The following NTNG1 variants were observed in gnomAD, a reference collection of about 807,000 sequenced individuals.
NTNG1 encodes the protein netrin-G1.
A neutral mutation model predicts 54.0 loss-of-function variants in NTNG1; 16 were observed. The observed-to-expected ratio is 0.30, with a 90% CI of 0.20 to 0.45. NTNG1 has a LOEUF of 0.45. Ranked by LOEUF, NTNG1 falls within the 20% of genes least tolerant of loss-of-function variation. The pLI is 1.00. For synonymous variants in NTNG1, 255 were observed against 263.1 expected, an observed-to-expected ratio of 0.97 and a Z score of 0.30; for missense variants, 530 against 678.7, an observed-to-expected ratio of 0.78 and a Z score of 2.43.
At chr1:107,414,852 G>A (rs188046359) in intron 5 of NTNG1, among the ~76,000 whole-genome samples, 67 of 152,212 alleles carry the variant, frequency 4.4e-4, no homozygotes, top group Non-Finnish European at 8.1e-4. Context: ...AGCAGTTAAG[G>A]AATTGTTCAA....
intron 3 of NTNG1, among the ~76,000 whole-genome samples, chr1:107,365,201 A>G (rs115638777): frequency 1.1e-3 from 173 of 152,312 alleles, no homozygotes; most frequent in African/African-American, 3.8e-3. Flanking sequence ...GTTTTGGACT[A>G]TGGAGCAGAT....
At position 107,436,655 on chromosome 1, in the gene NTNG1, G is replaced by C. The variant is rs368118701; in HGVS notation, c.1256-10G>C. The C allele has an allele frequency of 6.2e-7, 1 of 1,611,698 alleles. No homozygotes were observed. The highest frequency in any genetic ancestry group is 1.3e-5 in the African/African-American group (1 of 74,886). ...TTGTCTCCAGCCTGTGTGTTGTCTT[G>C]TTTCTACAGAGTGTTATTGTAACCC... is the stretch of plus-strand genomic sequence containing the variant. On this transcript the variant is annotated splice_polypyrimidine_tract_variant and intron_variant, in intron 6 of 7. Coordinates refer to ENST00000370068, the MANE Select transcript of NTNG1 (RefSeq NM_001113226.3).
At chr1:107,344,350 T>C (rs1669094722) in intron 3 of NTNG1, among the ~76,000 whole-genome samples, 1 of 152,116 alleles carries the variant, frequency 6.6e-6, no homozygotes, top group Non-Finnish European at 1.5e-5. Flanking sequence ...TTTTTGTTTG[T>C]TGTTTTGTTT....
At chr1:107,451,108 C>CTTTTT (rs55906603) in intron 7 of NTNG1, among the ~76,000 whole-genome samples, 4 of 138,378 alleles carry the variant, frequency 2.9e-5, no homozygotes, top group Non-Finnish European at 4.6e-5. Context: ...TTCTTTCTTT[C>CTTTTT]TTTTTTTTTT....
chr1:107,167,304 A>T (rs922914013), intron 2 of NTNG1, among the ~76,000 whole-genome samples: 6 of 151,886 alleles, frequency 4.0e-5, no homozygotes, highest in Non-Finnish European at 7.4e-5. Flanking sequence ...AGAAGAATCT[A>T]TCTGTAATGA....
chr1:107,457,419 A>G (rs570404812), intron 7 of NTNG1, among the ~76,000 whole-genome samples: 1 of 152,308 alleles, frequency 6.6e-6, no homozygotes, highest in East Asian at 1.9e-4. Context: ...AGTGCTATAG[A>G]TATACAGATA....
At chr1:107,342,074 A>C (rs781301475) in intron 3 of NTNG1, among the ~76,000 whole-genome samples, 2 of 152,130 alleles carry the variant, frequency 1.3e-5, no homozygotes, top group Admixed American at 1.3e-4. Context: ...ATTAGTCACT[A>C]TAAGTCACTT....
chr1:107,287,904 T>G (rs1665301249), intron 2 of NTNG1, among the ~76,000 whole-genome samples: 1 of 152,180 alleles, frequency 6.6e-6, no homozygotes, highest in South Asian at 2.1e-4. Context: ...GATTGCATAC[T>G]GTCTGGCACT....
At chr1:107,431,630 C>G (rs1449191821) in intron 6 of NTNG1, among the ~76,000 whole-genome samples, 4 of 152,128 alleles carry the variant, frequency 2.6e-5, no homozygotes, top group Non-Finnish European at 5.9e-5. Flanking sequence ...GACCAGGCAC[C>G]TTTCCCACCC....
intron 2 of NTNG1, 149 bp from the exon 3 acceptor site, chr1:107,324,133 A>G (rs1218139503): frequency 1.1e-5 from 8 of 698,244 alleles, no homozygotes; most frequent in Non-Finnish European, 2.0e-5. Context: ...AAGCTATTAA[A>G]GAGGAGAATC....
At chr1:107,170,401 CT>C (rs1437720145) in intron 2 of NTNG1, among the ~76,000 whole-genome samples, 1 of 151,874 alleles carries the variant, frequency 6.6e-6, no homozygotes, top group Non-Finnish European at 1.5e-5. Flanking sequence ...TTTTATTTAT[CT>C]TTATGATCAT....
intron 2 of NTNG1, among the ~76,000 whole-genome samples, chr1:107,292,243 C>T (rs1044048192): frequency 2.0e-5 from 3 of 151,946 alleles, no homozygotes; most frequent in South Asian, 4.2e-4. Context: ...TGTGGGTCTG[C>T]GGCAACCTCA....
At chr1:107,213,328 G>T (rs886495673) in intron 2 of NTNG1, among the ~76,000 whole-genome samples, 1 of 152,028 alleles carries the variant, frequency 6.6e-6, no homozygotes, top group African/African-American at 2.4e-5. Context: ...ACAAGAAATC[G>T]TGTTAAAGGA....
chr1:107,473,483 A>G (rs1485174385), intron 7 of NTNG1, among the ~76,000 whole-genome samples: 2 of 152,224 alleles, frequency 1.3e-5, no homozygotes, highest in East Asian at 1.9e-4. Flanking sequence ...CATACCTTCC[A>G]GAAAGAACTC....
At chr1:107,271,033 A>G (rs1335742882) in intron 2 of NTNG1, among the ~76,000 whole-genome samples, 1 of 152,132 alleles carries the variant, frequency 6.6e-6, no homozygotes, top group African/African-American at 2.4e-5. Flanking sequence ...AAAAGGATTT[A>G]AAAAGCAGAT....
intron 7 of NTNG1, among the ~76,000 whole-genome samples, chr1:107,459,070 A>T (rs1677122324): frequency 6.6e-6 from 1 of 152,116 alleles, no homozygotes; most frequent in Non-Finnish European, 1.5e-5. Context: ...CCACTGAAAA[A>T]TGGCATTACT....
At chr1:107,243,063 G>A (rs537601817) in intron 2 of NTNG1, among the ~76,000 whole-genome samples, 7 of 152,278 alleles carry the variant, frequency 4.6e-5, no homozygotes, top group Admixed American at 4.6e-4. Context: ...GGGGTTTGTT[G>A]AAAATCCTCG....
At chr1:107,430,281 T>A (rs987727406) in intron 5 of NTNG1, among the ~76,000 whole-genome samples, 1 of 152,160 alleles carries the variant, frequency 6.6e-6, no homozygotes, top group Admixed American at 6.6e-5. Context: ...CTTGGCATGA[T>A]GTCAGAGAGC....
intron 2 of NTNG1, among the ~76,000 whole-genome samples, chr1:107,199,954 T>C (rs1658615783): frequency 6.6e-6 from 1 of 151,908 alleles, no homozygotes; most frequent in Admixed American, 6.6e-5. Context: ...TATGAAGCAG[T>C]GATGCTTTTA....
Sources: gnomAD v4.1 joint callset for allele counts (sites outside exome capture counted in the v4.1 genomes callset) on GRCh38, gnomAD v4.1.1 for gene constraint, MANE v1.5 for transcripts, NCBI Gene and HGNC (gene_info 2026-07-23, HGNC 2026-07-21) for gene names.